AGBL4: variants seen among roughly 807,000 people sequenced by gnomAD.
The protein encoded by AGBL4 is cytosolic carboxypeptidase 6.
A neutral mutation model predicts 66.4 loss-of-function variants in AGBL4; 58 were observed. The observed-to-expected ratio is 0.87, with a 90% CI of 0.71 to 1.09. AGBL4 has a LOEUF of 1.09. AGBL4 is among the 50% of genes least tolerant of loss of function. AGBL4 has a pLI of 0.00. For synonymous variants in AGBL4, 234 were observed against 222.9 expected (o/e 1.05, Z -0.44); for missense variants, 579 against 631.0 (o/e 0.92, Z 0.88).
intron 11 of AGBL4, among the ~76,000 whole-genome samples, chr1:48,557,341 T>C (rs1012497478): frequency 1.3e-5 from 2 of 152,098 alleles, no homozygotes; most frequent in African/African-American, 4.8e-5. Flanking sequence ...TTCCTAGAGA[T>C]TAATGGATAA....
chr1:49,053,821 C>T (rs146700990), intron 4 of AGBL4, among the ~76,000 whole-genome samples: 297 of 152,134 alleles, frequency 2.0e-3, no homozygotes, highest in African/African-American at 2.5e-3. Flanking sequence ...AAATACATAA[C>T]GTGTATAAAA....
chr1:48,723,888 C>A (rs1647188198), intron 6 of AGBL4, among the ~76,000 whole-genome samples: 1 of 152,138 alleles, frequency 6.6e-6, no homozygotes, highest in Non-Finnish European at 1.5e-5. Context: ...GTCTAAAAAT[C>A]CAAGGAAGTG....
At chr1:49,562,387 C>T (rs1165981152) in intron 3 of AGBL4, among the ~76,000 whole-genome samples, 1 of 152,066 alleles carries the variant, frequency 6.6e-6, no homozygotes, top group Admixed American at 6.6e-5. Flanking sequence ...CTTGCCCATG[C>T]CTATGTCCTG....
intron 1 of AGBL4, among the ~76,000 whole-genome samples, chr1:49,914,150 AT>A (rs1263048638): frequency 6.6e-6 from 1 of 152,080 alleles, no homozygotes; most frequent in Admixed American, 6.5e-5. Flanking sequence ...CAGGCTGTGA[AT>A]TTTCCAAATC....
chr1:48,559,880 T>C (rs573106633), intron 11 of AGBL4, among the ~76,000 whole-genome samples: 153 of 152,278 alleles, frequency 1.0e-3, no homozygotes, highest in Middle Eastern at 3.4e-3. Context: ...GTATCCCTGT[T>C]GCCCCTCACA....
chr1:49,536,231 G>T (rs1226924408), intron 3 of AGBL4, among the ~76,000 whole-genome samples: 1 of 152,112 alleles, frequency 6.6e-6, no homozygotes, highest in Admixed American at 6.5e-5. Flanking sequence ...AAAATGGAAA[G>T]AGTTGTGGTG....
intron 5 of AGBL4, among the ~76,000 whole-genome samples, chr1:48,960,079 G>A (rs184718641): frequency 6.6e-6 from 1 of 152,278 alleles, no homozygotes; most frequent in East Asian, 1.9e-4. Flanking sequence ...AGCAGAATCA[G>A]GGCCACCAGT....
intron 2 of AGBL4, among the ~76,000 whole-genome samples, chr1:49,832,717 T>A (rs1645726433): frequency 6.6e-6 from 1 of 152,134 alleles, no homozygotes; most frequent in African/African-American, 2.4e-5. Flanking sequence ...TATCTCATTG[T>A]GGTTTTGATT....
chr1:49,385,129 A>G (rs552162840), intron 3 of AGBL4, among the ~76,000 whole-genome samples: 34 of 152,136 alleles, frequency 2.2e-4, no homozygotes, highest in Non-Finnish European at 4.3e-4. Flanking sequence ...TAGAAAATAT[A>G]TTGCCAGGAA....
intron 4 of AGBL4, among the ~76,000 whole-genome samples, chr1:49,176,791 C>A (rs1369610987): frequency 2.0e-5 from 3 of 152,156 alleles, no homozygotes; most frequent in African/African-American, 7.2e-5. Flanking sequence ...TCAAAAAAAT[C>A]TCTTAACTTT....
intron 5 of AGBL4, among the ~76,000 whole-genome samples, chr1:48,970,936 A>G (rs1370977189): frequency 6.6e-6 from 1 of 152,154 alleles, no homozygotes; most frequent in African/African-American, 2.4e-5. Context: ...CTGAGCACCT[A>G]CTATGTCTCA....
chr1:49,241,496 G>A (rs1375726582), intron 4 of AGBL4, among the ~76,000 whole-genome samples: 1 of 151,966 alleles, frequency 6.6e-6, no homozygotes, highest in Non-Finnish European at 1.5e-5. Context: ...ATTCTATGTA[G>A]TATTTAAATT....
At chr1:49,436,122 G>A (rs987728543) in intron 3 of AGBL4, among the ~76,000 whole-genome samples, 1 of 152,138 alleles carries the variant, frequency 6.6e-6, no homozygotes, top group African/African-American at 2.4e-5. Flanking sequence ...TAAAAACAGA[G>A]AGAGGGGAAG....
At chr1:48,733,389 A>T (rs1267120039) in intron 6 of AGBL4, among the ~76,000 whole-genome samples, 1 of 152,202 alleles carries the variant, frequency 6.6e-6, no homozygotes, top group Non-Finnish European at 1.5e-5. Flanking sequence ...GGACATAGTT[A>T]AGTCTGTAGG....
chr1:49,854,720 C>A (rs181572846), intron 1 of AGBL4, among the ~76,000 whole-genome samples: 2 of 152,206 alleles, frequency 1.3e-5, no homozygotes, highest in African/African-American at 4.8e-5. Flanking sequence ...TACATCTGGA[C>A]CCCCAGCACT....
At chr1:48,542,500 T>C (rs1644090740) in intron 11 of AGBL4, among the ~76,000 whole-genome samples, 1 of 152,166 alleles carries the variant, frequency 6.6e-6, no homozygotes, top group Admixed American at 6.5e-5. Flanking sequence ...CTCTCCAGCA[T>C]CTGTTGTTTC....
rs376714213 is a variant in AGBL4, at chr1:49,036,970, A to G, written c.594+8614T>C. ...TGGGTCTTTCTTGTCACTGGGATGGAGCACGGCTGCTGAAGAGGTGTGTGA... is the reference window on the plus strand; with the variant it reads ...TGGGTCTTTCTTGTCACTGGGATGGGGCACGGCTGCTGAAGAGGTGTGTGA... On this transcript the variant is annotated intron_variant, in intron 5 of 13. Transcript: ENST00000371839. 4.2e-4 allele frequency among the ~76,000 whole-genome samples: 64 copies of G among 152,100 alleles called. 1 individual carries two copies. The South Asian group carries it at 9.1e-3, about 22-fold the overall frequency.
intron 6 of AGBL4, among the ~76,000 whole-genome samples, chr1:48,670,892 G>A (rs1261753422): frequency 2.6e-5 from 4 of 152,222 alleles, no homozygotes; most frequent in Admixed American, 6.5e-5. Context: ...GATTGCTCTC[G>A]GGAAGGCTTG....
chr1:49,068,948 C>A (rs1278969195), intron 4 of AGBL4, among the ~76,000 whole-genome samples: 1 of 152,092 alleles, frequency 6.6e-6, no homozygotes, highest in East Asian at 1.9e-4. Context: ...TGGTATCTCA[C>A]TGTAGTTTTG....
Sources: allele counts gnomAD v4.1 joint callset (sites outside exome capture counted in the v4.1 genomes callset), GRCh38; gene constraint gnomAD v4.1.1; transcripts MANE v1.5; gene names NCBI Gene and HGNC (gene_info 2026-07-23, HGNC 2026-07-21).